The following MGAT4C variants were observed in gnomAD, a reference collection of about 807,000 sequenced individuals.
MGAT4C encodes the protein alpha-1,3-mannosyl-glycoprotein 4-beta-N-acetylglucosaminyltransferase C.
MGAT4C carries 19 observed loss-of-function variants against 40.1 expected under a neutral mutation model. The ratio of observed to expected loss-of-function variants is 0.47; its 90% CI spans 0.33 to 0.70. MGAT4C has a LOEUF of 0.70. Among genes scored for constraint, MGAT4C ranks in the 30% least tolerant of loss-of-function variants. MGAT4C has a pLI of 0.02. For missense variants in MGAT4C, 491 were observed against 563.2 expected, an observed-to-expected ratio of 0.87 and a Z score of 1.30; for synonymous variants, 181 against 187.1, an observed-to-expected ratio of 0.97 and a Z score of 0.27.
chr12:86,123,551 T>TA (rs1294789388), intron 1 of MGAT4C, among the ~76,000 whole-genome samples: 2 of 152,122 alleles, frequency 1.3e-5, no homozygotes, highest in East Asian at 3.8e-4. Flanking sequence ...GAATTAATAA[T>TA]AATGACAAGA....
At chr12:86,780,879 A>G (rs550481231) in intron 1 of MGAT4C, among the ~76,000 whole-genome samples, 2 of 152,236 alleles carry the variant, frequency 1.3e-5, no homozygotes, top group Admixed American at 6.6e-5. Flanking sequence ...TACATTGTTT[A>G]GTTTCCACTG....
At chr12:86,674,707 A>C (rs1486932511) in intron 2 of MGAT4C, among the ~76,000 whole-genome samples, 49 of 152,118 alleles carry the variant, frequency 3.2e-4, no homozygotes, top group Non-Finnish European at 2.9e-5. Context: ...AAAAAAATAA[A>C]AATAATAATA....
intron 2 of MGAT4C, among the ~76,000 whole-genome samples, chr12:86,529,557 C>A (rs1438152061): frequency 6.6e-6 from 1 of 151,992 alleles, no homozygotes; most frequent in Non-Finnish European, 1.5e-5. Context: ...TTATTAACTG[C>A]ACTGCCAAAC....
intron 4 of MGAT4C, among the ~76,000 whole-genome samples, chr12:86,320,883 C>T (rs905432076): frequency 6.6e-6 from 1 of 152,082 alleles, no homozygotes; most frequent in Non-Finnish European, 1.5e-5. Context: ...TTTTATCCAG[C>T]TCTAATCGTT....
chr12:86,624,059 C>T (rs569614407), intron 2 of MGAT4C, among the ~76,000 whole-genome samples: 1 of 152,148 alleles, frequency 6.6e-6, no homozygotes, highest in Non-Finnish European at 1.5e-5. Flanking sequence ...AGAGCTCACT[C>T]AGGGTAAACA....
chr12:86,414,602 T>A (rs1464890996), intron 3 of MGAT4C, among the ~76,000 whole-genome samples: 1 of 59,826 alleles, frequency 1.7e-5, no homozygotes. Context: ...AGTTACTTTT[T>A]TAGAGCCAAA....
At chr12:86,164,749 G>C (rs1206798900) in intron 1 of MGAT4C, among the ~76,000 whole-genome samples, 1 of 152,112 alleles carries the variant, frequency 6.6e-6, no homozygotes, top group Non-Finnish European at 1.5e-5. Context: ...TGAAAAAAAT[G>C]CTACTGTTGC....
At chr12:85,990,426 C>T (rs1885764650) in intron 2 of MGAT4C, among the ~76,000 whole-genome samples, 1 of 152,004 alleles carries the variant, frequency 6.6e-6, no homozygotes, top group Non-Finnish European at 1.5e-5. Context: ...CATTGATAAC[C>T]TGAAAACAGA....
chr12:86,209,065 C>A (rs1555248392), intron 1 of MGAT4C, among the ~76,000 whole-genome samples: 1 of 151,888 alleles, frequency 6.6e-6, no homozygotes, highest in Non-Finnish European at 1.5e-5. Context: ...TGCATAAGAA[C>A]CCTGCATTAA....
chr12:86,315,591 A>G (rs1269448243), intron 4 of MGAT4C, among the ~76,000 whole-genome samples: 3 of 152,132 alleles, frequency 2.0e-5, no homozygotes, highest in Admixed American at 2.0e-4. Flanking sequence ...CTGTAGTCCC[A>G]GCAGCTCTGG....
rs138594004 is a variant in MGAT4C at position 86,508,014 on chromosome 12, A to C, written c.-228-72749T>G. 3.3e-3 allele frequency among the ~76,000 whole-genome samples: 507 copies of C among 152,126 alleles called. 1 individual carries two copies. Among genetic ancestry groups the C allele is most frequent in the African/African-American group, 0.012 (491 of 41,546 alleles). ...GTTTTTGTTAGTATGGACATTTTAA[A>C]AATATTAAAATGTCTTTCCATTTAT... On this transcript the variant is annotated intron_variant, in intron 2 of 7. Coordinates refer to the MGAT4C transcript ENST00000548651.
chr12:86,780,454 T>C (rs1951818515), intron 1 of MGAT4C, among the ~76,000 whole-genome samples: 2 of 152,130 alleles, frequency 1.3e-5, no homozygotes, highest in Non-Finnish European at 2.9e-5. Flanking sequence ...TGGGGGCAGA[T>C]TTCTCCCTTG....
At chr12:86,329,369 C>G (rs1320886717) in intron 4 of MGAT4C, among the ~76,000 whole-genome samples, 1 of 152,068 alleles carries the variant, frequency 6.6e-6, no homozygotes, top group Non-Finnish European at 1.5e-5. Flanking sequence ...TCAGCAGAAT[C>G]CCAACTCCTT....
chr12:86,284,972 A>G (rs1953315686), intron 4 of MGAT4C, among the ~76,000 whole-genome samples: 1 of 152,068 alleles, frequency 6.6e-6, no homozygotes, highest in South Asian at 2.1e-4. Context: ...TAAACATTAG[A>G]CAAAATTTCA....
chr12:86,237,887 T>A (rs896439491), intron 1 of MGAT4C, among the ~76,000 whole-genome samples: 2 of 151,974 alleles, frequency 1.3e-5, no homozygotes, highest in African/African-American at 4.8e-5. Flanking sequence ...CCAAATTTTC[T>A]TCGTTCATAA....
At chr12:86,066,038 C>T (rs1171581488) in intron 1 of MGAT4C, among the ~76,000 whole-genome samples, 1 of 152,078 alleles carries the variant, frequency 6.6e-6, no homozygotes, top group Admixed American at 6.5e-5. Flanking sequence ...AACTACAAAC[C>T]ACTGCTCAAG....
intron 2 of MGAT4C, among the ~76,000 whole-genome samples, chr12:86,675,694 C>T (rs2162673): frequency 0.91 from 138,754 of 152,182 alleles, 63,463 homozygotes; most frequent in Non-Finnish European, 0.95. Flanking sequence ...CTTTTTATTT[C>T]CATTGATACA....
chr12:86,235,339 C>T (rs1175296018), intron 1 of MGAT4C, among the ~76,000 whole-genome samples: 1 of 152,006 alleles, frequency 6.6e-6, no homozygotes, highest in Non-Finnish European at 1.5e-5. Flanking sequence ...TAGCTTCAGT[C>T]CATCAATAAT....
intron 1 of MGAT4C, among the ~76,000 whole-genome samples, chr12:86,211,531 G>C (rs892929758): frequency 2.6e-5 from 4 of 151,338 alleles, no homozygotes; most frequent in African/African-American, 9.7e-5. Flanking sequence ...AGCTTGCAGT[G>C]AGCTGAGATT....
Sources: gnomAD v4.1 joint callset for allele counts (sites outside exome capture counted in the v4.1 genomes callset) on GRCh38, gnomAD v4.1.1 for gene constraint, MANE v1.5 for transcripts, NCBI Gene and HGNC (gene_info 2026-07-23, HGNC 2026-07-21) for gene names.